RPH3A: variants seen among roughly 807,000 people sequenced by gnomAD.
RPH3A encodes rabphilin-3A.
A neutral mutation model predicts 102.2 loss-of-function variants in RPH3A; 48 were observed. That is an observed-to-expected ratio of 0.47 (90% CI 0.37 to 0.60). RPH3A has a LOEUF of 0.60. RPH3A is among the 20% of genes least tolerant of loss of function. The probability of loss-of-function intolerance (pLI) is 0.00; values close to 1 mark genes in which losing one functional copy is unlikely to be tolerated. For missense variants in RPH3A, 781 were observed against 910.1 expected (o/e 0.86, Z 1.83); for synonymous variants, 310 against 324.3 (o/e 0.96, Z 0.47).
intron 2 of RPH3A, among the ~76,000 whole-genome samples, chr12:112,807,460 G>T (rs1266124083): frequency 6.6e-6 from 1 of 152,124 alleles, no homozygotes; most frequent in Non-Finnish European, 1.5e-5. Flanking sequence ...TAGAGGAAGG[G>T]GGTAGAAATA....
chr12:112,686,609 A>G (rs557939794), intron 1 of RPH3A, among the ~76,000 whole-genome samples: 24 of 152,318 alleles, frequency 1.6e-4, no homozygotes, highest in Middle Eastern at 3.4e-3. Context: ...CATTCAGTCA[A>G]CTTCCAGATA....
chr12:112,665,834 G>A (rs1328393204), intron 1 of RPH3A, among the ~76,000 whole-genome samples: 1 of 152,176 alleles, frequency 6.6e-6, no homozygotes, highest in East Asian at 1.9e-4. Context: ...AAAAAGGAAG[G>A]ATTGTCTTGT....
chr12:112,636,463 T>C (rs1371630196), intron 1 of RPH3A, among the ~76,000 whole-genome samples: 3 of 152,188 alleles, frequency 2.0e-5, no homozygotes, highest in Non-Finnish European at 4.4e-5. Flanking sequence ...TTTAAAAATA[T>C]GCAGGGGCAT....
At chr12:112,862,432 A>C (rs957455825) in intron 5 of RPH3A, among the ~76,000 whole-genome samples, 3 of 152,198 alleles carry the variant, frequency 2.0e-5, no homozygotes, top group Non-Finnish European at 4.4e-5. Flanking sequence ...CTACATAAAT[A>C]AAATGAGAAA....
At chr12:112,583,194 A>G (rs79680343) in intron 1 of RPH3A, among the ~76,000 whole-genome samples, 97 of 152,358 alleles carry the variant, frequency 6.4e-4, no homozygotes, top group Non-Finnish European at 1.1e-3. Context: ...CTGCACGGCT[A>G]ATAACGACAT....
At chr12:112,592,820 G>T (rs1488736271) in intron 1 of RPH3A, among the ~76,000 whole-genome samples, 1 of 152,146 alleles carries the variant, frequency 6.6e-6, no homozygotes, top group African/African-American at 2.4e-5. Context: ...GTTAAGCGGG[G>T]CCACACGACT....
At chr12:112,835,238 T>A (rs2042028932) in intron 3 of RPH3A, among the ~76,000 whole-genome samples, 1 of 152,244 alleles carries the variant, frequency 6.6e-6, no homozygotes, top group Non-Finnish European at 1.5e-5. Context: ...ATTGCTAGTT[T>A]CCAAAGCCCT....
chr12:112,679,265 T>C (rs1397515895), intron 1 of RPH3A, among the ~76,000 whole-genome samples: 1 of 152,158 alleles, frequency 6.6e-6, no homozygotes, highest in East Asian at 1.9e-4. Flanking sequence ...GTGATTCTTC[T>C]GCCTCAGCCT....
intron 4 of RPH3A, among the ~76,000 whole-genome samples, chr12:112,843,367 T>A (rs779878966): frequency 1.3e-5 from 2 of 151,966 alleles, no homozygotes; most frequent in Non-Finnish European, 1.5e-5. Context: ...TCAAACACGA[T>A]GAGCTGTTTG....
chr12:112,880,404 T>C (rs912300962), intron 14 of RPH3A, among the ~76,000 whole-genome samples: 2 of 152,230 alleles, frequency 1.3e-5, no homozygotes, highest in African/African-American at 4.8e-5. Context: ...TTTTGTTTCC[T>C]TTTTATAGAA....
chr12:112,838,792 C>A (rs1239262753), intron 4 of RPH3A, among the ~76,000 whole-genome samples: 1 of 152,016 alleles, frequency 6.6e-6, no homozygotes, highest in Non-Finnish European at 1.5e-5. Flanking sequence ...GGAAGGCTGT[C>A]CTTTGCCTTC....
intron 3 of RPH3A, 37 bp downstream of exon 3, chr12:112,828,426 G>A (rs1593052627): frequency 4.0e-6 from 6 of 1,486,774 alleles, no homozygotes; most frequent in Non-Finnish European, 5.6e-6. Context: ...GGCTTGTTTT[G>A]AGTCGATGAG....
chr12:112,775,701 G>A (rs1048239770), intron 1 of RPH3A, among the ~76,000 whole-genome samples: 8 of 152,134 alleles, frequency 5.3e-5, no homozygotes, highest in Non-Finnish European at 2.9e-5. Context: ...TCAGATGACA[G>A]AATGAACTTC....
intron 2 of RPH3A, among the ~76,000 whole-genome samples, chr12:112,794,683 C>T (rs2041194876): frequency 6.6e-6 from 1 of 152,196 alleles, no homozygotes; most frequent in African/African-American, 2.4e-5. Context: ...GTGAGCACCC[C>T]CCCAAGTTCA....
intron 2 of RPH3A, among the ~76,000 whole-genome samples, chr12:112,814,724 G>GAA (rs2041639907): frequency 6.6e-6 from 1 of 152,258 alleles, no homozygotes; most frequent in Middle Eastern, 3.4e-3. Context: ...TGAGAAAGGG[G>GAA]AATAACTTCA....
intron 1 of RPH3A, among the ~76,000 whole-genome samples, chr12:112,655,595 C>T (rs2040005827): frequency 1.2e-5 from 1 of 82,370 alleles, no homozygotes; most frequent in African/African-American, 5.1e-5. Context: ...TTTTTTGAGA[C>T]AGTCTTGCTC....
chr12:112,678,290 A>AG (rs1491254652), intron 1 of RPH3A, among the ~76,000 whole-genome samples: 1,045 of 81,396 alleles, frequency 0.013, 158 homozygotes, highest in African/African-American at 0.066. Flanking sequence ...AGAAAGAAAG[A>AG]AAGAAAGAAA....
intron 1 of RPH3A, among the ~76,000 whole-genome samples, chr12:112,587,354 G>A (rs2039446684): frequency 6.6e-6 from 1 of 152,240 alleles, no homozygotes; most frequent in South Asian, 2.1e-4. Context: ...TCTTCTGAGA[G>A]TGAAAGTATC....
intron 2 of RPH3A, among the ~76,000 whole-genome samples, chr12:112,822,720 C>T (rs2041802794): frequency 6.6e-6 from 1 of 152,196 alleles, no homozygotes; most frequent in Non-Finnish European, 1.5e-5. Flanking sequence ...TAAGCAGAAC[C>T]TTGGAAAGTT....
Sources: allele counts gnomAD v4.1 joint callset (sites outside exome capture counted in the v4.1 genomes callset), GRCh38; gene constraint gnomAD v4.1.1; transcripts MANE v1.5; gene names NCBI Gene and HGNC (gene_info 2026-07-23, HGNC 2026-07-21).